DOCK2: variants seen among roughly 807,000 people sequenced by gnomAD.
The protein encoded by DOCK2 is dedicator of cytokinesis protein 2.
A neutral mutation model predicts 248.9 loss-of-function variants in DOCK2; 87 were observed. The ratio of observed to expected loss-of-function variants is 0.35; its 90% CI spans 0.29 to 0.42. The LOEUF (loss-of-function observed/expected upper bound fraction) is 0.42. DOCK2 is among the 10% of genes least tolerant of loss of function. DOCK2 has a pLI of 1.00. For synonymous variants in DOCK2, 805 were observed against 821.6 expected, an observed-to-expected ratio of 0.98 and a Z score of 0.35; for missense variants, 1,747 against 2,300.2, an observed-to-expected ratio of 0.76 and a Z score of 4.92.
At chr5:169,927,872 T>C (rs374408485) in intron 27 of DOCK2, among the ~76,000 whole-genome samples, 4 of 152,256 alleles carry the variant, frequency 2.6e-5, no homozygotes, top group African/African-American at 9.6e-5. Flanking sequence ...CGTCTCGGCC[T>C]CCCAAAGTGC....
chr5:169,791,007 G>T lies in DOCK2; in HGVS notation c.2555-12051G>T, dbSNP rs541750399. On this transcript the variant is annotated intron_variant, in intron 25 of 51. Transcript: ENST00000520908. ...TTCTACACCTCCCATCCCACCCCCA[G>T]CTGCTACCACCTAGTTTCCTCAAGG... Among the ~76,000 whole-genome samples the T allele has an allele frequency of 1.2e-3, 183 of 152,232 alleles. 1 individual carries two copies. Among genetic ancestry groups the T allele is most frequent in the Non-Finnish European group, 1.9e-3 (130 of 68,010 alleles).
intron 32 of DOCK2, among the ~76,000 whole-genome samples, chr5:170,013,434 C>A (rs1755384602): frequency 6.6e-6 from 1 of 151,946 alleles, no homozygotes; most frequent in Non-Finnish European, 1.5e-5. Context: ...TTGGGCTATC[C>A]AAGTGGGCTC....
chr5:170,021,399 G>A (rs1237554641), intron 33 of DOCK2, among the ~76,000 whole-genome samples: 2 of 152,194 alleles, frequency 1.3e-5, no homozygotes, highest in African/African-American at 2.4e-5. Flanking sequence ...CTGGGAACAG[G>A]TGTGCAAAAG....
chr5:170,025,264 C>T (rs1165246424), intron 33 of DOCK2, among the ~76,000 whole-genome samples: 2 of 152,374 alleles, frequency 1.3e-5, no homozygotes, highest in Admixed American at 6.5e-5. Flanking sequence ...AGACCAAATC[C>T]ATCCTTCCAC....
chr5:170,036,575 A>T lies in DOCK2; in HGVS notation c.3665+20A>T. 1 of 1,611,698 alleles carries T rather than the reference A, an allele frequency of 6.2e-7. No homozygotes were observed. Among genetic ancestry groups the T allele is most frequent in the Non-Finnish European group, 8.5e-7 (1 of 1,178,668 alleles). ...CATAAGGTAAGATTCATATTTTCTA[A>T]AATCCAGACCTGCTGTGTCACTTTC... On this transcript the variant is annotated intron_variant, in intron 36 of 51. Coordinates refer to ENST00000520908, the MANE Select transcript of DOCK2 (RefSeq NM_004946.3).
intron 26 of DOCK2, among the ~76,000 whole-genome samples, chr5:169,815,667 A>G (rs1768025196): frequency 6.6e-6 from 1 of 152,230 alleles, no homozygotes; most frequent in African/African-American, 2.4e-5. Flanking sequence ...AAAAAATTGC[A>G]TTAAGTGTTA....
chr5:169,872,429 A>G (rs1361159260), intron 27 of DOCK2, among the ~76,000 whole-genome samples: 1 of 152,184 alleles, frequency 6.6e-6, no homozygotes, highest in African/African-American at 2.4e-5. Flanking sequence ...CCTAATGACA[A>G]GTTTGCTCAT....
chr5:170,014,232 A>G (rs957833114), intron 32 of DOCK2, among the ~76,000 whole-genome samples: 1 of 152,162 alleles, frequency 6.6e-6, no homozygotes, highest in African/African-American at 2.4e-5. Flanking sequence ...TCATTCATGT[A>G]ATAACCAACA....
chr5:169,761,644 T>A lies in DOCK2; in HGVS notation c.2554+19T>A. The A allele has an allele frequency of 6.2e-7, 1 of 1,609,272 alleles. No individual in the cohort carries two copies. The highest frequency in any genetic ancestry group is 1.1e-5 in the South Asian group (1 of 90,698). ...AAGCAAGGTGAGTACACAGCACCCT[T>A]GCTGGGGTGGGGTAAGGGGCCAATA... On this transcript the variant is annotated intron_variant, in intron 25 of 51. Transcript: ENST00000520908.
At chr5:169,773,812 G>A (rs1269463669) in intron 25 of DOCK2, among the ~76,000 whole-genome samples, 1 of 152,102 alleles carries the variant, frequency 6.6e-6, no homozygotes, top group Non-Finnish European at 1.5e-5. Context: ...ATTGAATCAT[G>A]GGGGCAGTTT....
intron 27 of DOCK2, among the ~76,000 whole-genome samples, chr5:169,927,277 C>T (rs1386009958): frequency 6.6e-6 from 1 of 152,156 alleles, no homozygotes; most frequent in Non-Finnish European, 1.5e-5. Flanking sequence ...TCCTCTAGAG[C>T]CTTGTAGGCC....
chr5:169,769,274 C>T (rs558043449), intron 25 of DOCK2, among the ~76,000 whole-genome samples: 64 of 152,270 alleles, frequency 4.2e-4, no homozygotes, highest in African/African-American at 1.5e-3. Flanking sequence ...CAGGTTTTGA[C>T]GTTTCCCTCA....
chr5:169,964,212 C>T (rs1191596282), intron 27 of DOCK2, among the ~76,000 whole-genome samples: 2 of 152,162 alleles, frequency 1.3e-5, no homozygotes, highest in Non-Finnish European at 2.9e-5. Context: ...ACATTCTGTG[C>T]TTTATCCTCG....
At position 169,722,923 on chromosome 5, in the gene DOCK2, A is replaced by G. The variant is rs184153820; in HGVS notation, c.2267+4132A>G. Among the ~76,000 whole-genome samples, 4 of 152,284 alleles carry G rather than the reference A, an allele frequency of 2.6e-5. No homozygotes were observed. In the East Asian group the frequency reaches 7.7e-4, roughly 29 times the overall value. On this transcript the variant is annotated intron_variant, in intron 22 of 51. Transcript: ENST00000520908. ...CAGGTGTCTGTGCTTTTTGAGGACC[A>G]CAATGTGGTACTCTCCTGGCCCCAG...
chr5:169,653,368 T>C (rs961766626), intron 1 of DOCK2, among the ~76,000 whole-genome samples: 5 of 152,184 alleles, frequency 3.3e-5, no homozygotes, highest in Non-Finnish European at 2.9e-5. Flanking sequence ...TAATGCCTAC[T>C]TTAAAAGTGG....
At chr5:169,820,007 G>T (rs1202176262) in intron 26 of DOCK2, among the ~76,000 whole-genome samples, 1 of 152,176 alleles carries the variant, frequency 6.6e-6, no homozygotes, top group Admixed American at 6.5e-5. Context: ...CCATGCCCAT[G>T]GAGCCTCGCT....
At chr5:169,661,679 CTT>C (rs557795329) in intron 2 of DOCK2, among the ~76,000 whole-genome samples, 1 of 151,930 alleles carries the variant, frequency 6.6e-6, no homozygotes, top group Non-Finnish European at 1.5e-5. Flanking sequence ...ATATTTGACT[CTT>C]TTTTTTGTTC....
chr5:169,707,084 T>C (rs1467731057), intron 14 of DOCK2, among the ~76,000 whole-genome samples: 1 of 152,212 alleles, frequency 6.6e-6, no homozygotes, highest in Non-Finnish European at 1.5e-5. Flanking sequence ...ATCTGGCAAT[T>C]TGAGGATTGA....
At chr5:170,049,434 TG>T (rs1176626681) in intron 40 of DOCK2, among the ~76,000 whole-genome samples, 6 of 152,290 alleles carry the variant, frequency 3.9e-5, no homozygotes, top group African/African-American at 1.4e-4. Context: ...TTTTTAAAAG[TG>T]TCCTAGGCTC....
Sources: allele counts gnomAD v4.1 joint callset (sites outside exome capture counted in the v4.1 genomes callset), GRCh38; gene constraint gnomAD v4.1.1; transcripts MANE v1.5; gene names NCBI Gene and HGNC (gene_info 2026-07-23, HGNC 2026-07-21).